Variants in NEDD4L observed in about 807,000 individuals in gnomAD.
NEDD4L encodes the protein NEDD4 like E3 ubiquitin protein ligase.
In NEDD4L, 54 loss-of-function variants were observed where a neutral mutation model predicts 148.9. The observed-to-expected ratio is 0.36, with a 90% CI of 0.29 to 0.45. The LOEUF (loss-of-function observed/expected upper bound fraction) is 0.45. Ranked by LOEUF, NEDD4L falls within the 20% of genes least tolerant of loss-of-function variation. The pLI is 1.00. For synonymous variants in NEDD4L, 433 were observed against 440.7 expected (o/e 0.98, Z 0.22); for missense variants, 856 against 1,233.8 (o/e 0.69, Z 4.59).
chr18:58,361,452 C>CAG (rs1158679091), intron 19 of NEDD4L, among the ~76,000 whole-genome samples: 3 of 152,180 alleles, frequency 2.0e-5, no homozygotes, highest in African/African-American at 7.2e-5. Flanking sequence ...TTTCCAAGAA[C>CAG]TTTATAATCA....
intron 2 of NEDD4L, chr18:58,195,441 A>ATCCGCGGCAGCAGCT: frequency 7.6e-7 from 1 of 1,319,230 alleles, no homozygotes; most frequent in South Asian, 1.2e-5. Flanking sequence ...AGAGGCAGGC[A>ATCCGCGGCAGCAGCT]TCCGCGGCAG....
At position 58,315,689 on chromosome 18, in the gene NEDD4L, A is replaced by G. The variant is rs148413139; in HGVS notation, c.298-293A>G. Among the ~76,000 whole-genome samples, 5 of 152,222 alleles carry G rather than the reference A, an allele frequency of 3.3e-5. No individual in the cohort carries two copies. The East Asian group carries it at 9.7e-4, about 29-fold the overall frequency. ...TTCAGCTGGGCCCAGCTGTGCCCTCAAACCCTGCCTGTCTCTTCCCTGACT... is the reference window on the plus strand; with the variant it reads ...TTCAGCTGGGCCCAGCTGTGCCCTCGAACCCTGCCTGTCTCTTCCCTGACT... On this transcript the variant is annotated intron_variant, in intron 5 of 30. Coordinates refer to ENST00000400345, the MANE Select transcript of NEDD4L (RefSeq NM_001144967.3).
intron 1 of NEDD4L, among the ~76,000 whole-genome samples, chr18:58,079,559 C>T (rs2083332458): frequency 6.6e-6 from 1 of 152,224 alleles, no homozygotes; most frequent in Non-Finnish European, 1.5e-5. Context: ...CAAGTCATAG[C>T]TGGGAAGTGG....
At chr18:58,122,453 C>T (rs1411401507) in intron 1 of NEDD4L, among the ~76,000 whole-genome samples, 3 of 152,078 alleles carry the variant, frequency 2.0e-5, no homozygotes, top group Non-Finnish European at 2.9e-5. Flanking sequence ...GCCGAAATTG[C>T]GCCATTGCAC....
chr18:58,341,685 A>G lies in NEDD4L; in HGVS notation c.1265A>G (p.Glu422Gly). Residue 422 changes from glutamate (E) to glycine (G), a missense_variant, in exon 15 of 31, where the codon GAA becomes GGA. Coordinates refer to ENST00000400345, the MANE Select transcript of NEDD4L (RefSeq NM_001144967.3). ...TTTTTGCCTCCAAAATAGCTTGCAG[A>G]AGATGGTGCGTCCGGATCAGCCACA... ...TWTRPIMQLA[E>G]DGASGSATNS... 4.3e-6 allele frequency: 7 copies of G among 1,613,238 alleles called. No individual in the cohort carries two copies. The highest frequency in any genetic ancestry group is 5.9e-6 in the Non-Finnish European group (7 of 1,179,624).
intron 17 of NEDD4L, among the ~76,000 whole-genome samples, chr18:58,350,420 T>G (rs937061056): frequency 1.6e-4 from 25 of 152,114 alleles, no homozygotes; most frequent in African/African-American, 4.8e-4. Flanking sequence ...AAGAAAGCAT[T>G]TTTTTCTGAA....
chr18:58,340,898 C>T (rs2042332069), intron 13 of NEDD4L, 140 bp from the exon 14 acceptor site: 5 of 814,288 alleles, frequency 6.1e-6, no homozygotes, highest in Admixed American at 3.2e-5. Flanking sequence ...GTTTTCCAGA[C>T]ACTTGTAAGT....
intron 1 of NEDD4L, among the ~76,000 whole-genome samples, chr18:58,125,587 G>A (rs780735519): frequency 3.3e-5 from 5 of 151,930 alleles, no homozygotes; most frequent in Non-Finnish European, 7.4e-5. Flanking sequence ...ATATGATCTC[G>A]AGTCACCACC....
intron 1 of NEDD4L, among the ~76,000 whole-genome samples, chr18:58,078,994 G>A (rs781353462): frequency 2.6e-5 from 4 of 152,104 alleles, no homozygotes; most frequent in African/African-American, 7.2e-5. Flanking sequence ...GACTATGAAC[G>A]GGAGCTGTGT....
At chr18:58,200,153 A>G (rs1279135843) in intron 2 of NEDD4L, among the ~76,000 whole-genome samples, 5 of 152,366 alleles carry the variant, frequency 3.3e-5, no homozygotes, top group African/African-American at 1.2e-4. Flanking sequence ...CAGGGTAGCC[A>G]TGAAATGGCT....
chr18:58,350,346 A>T (rs1166548468), intron 17 of NEDD4L, among the ~76,000 whole-genome samples: 1 of 152,246 alleles, frequency 6.6e-6, no homozygotes, highest in Non-Finnish European at 1.5e-5. Context: ...CAGGTATCCC[A>T]CACCAAATCT....
intron 1 of NEDD4L, among the ~76,000 whole-genome samples, chr18:58,072,814 C>T (rs1568175317): frequency 1.3e-5 from 2 of 151,854 alleles, no homozygotes; most frequent in African/African-American, 4.8e-5. Context: ...AGAAAAGTAT[C>T]TGTAGTTACA....
At chr18:58,388,620 G>A (rs1400452684) in intron 27 of NEDD4L, 1 of 155,768 alleles carries the variant, frequency 6.4e-6, no homozygotes, top group Non-Finnish European at 1.4e-5. Context: ...CCTCTGGGCA[G>A]ATGAGGTGAT....
chr18:58,277,217 T>A (rs1293068016), intron 5 of NEDD4L, among the ~76,000 whole-genome samples: 1 of 149,130 alleles, frequency 6.7e-6, no homozygotes, highest in Non-Finnish European at 1.5e-5. Context: ...ACCCCATGGG[T>A]CCTGCCAGGT....
chr18:58,283,443 C>G (rs940620862), intron 5 of NEDD4L, among the ~76,000 whole-genome samples: 1 of 152,140 alleles, frequency 6.6e-6, no homozygotes, highest in African/African-American at 2.4e-5. Flanking sequence ...ATTTTACTGG[C>G]CAAAGCAAGT....
intron 1 of NEDD4L, among the ~76,000 whole-genome samples, chr18:58,075,455 T>G (rs1270426012): frequency 6.6e-6 from 1 of 152,066 alleles, no homozygotes; most frequent in Non-Finnish European, 1.5e-5. Flanking sequence ...CCAGCCTTAG[T>G]TTGTTTCTGA....
At chr18:58,349,689 C>A in intron 17 of NEDD4L, 75 bp downstream of exon 17, 1 of 1,126,336 alleles carries the variant, frequency 8.9e-7, no homozygotes, top group Non-Finnish European at 1.3e-6. Flanking sequence ...ATGGAGAGGC[C>A]CTGTGGACCT....
intron 19 of NEDD4L, among the ~76,000 whole-genome samples, chr18:58,363,186 A>G (rs369058984): frequency 6.6e-6 from 1 of 152,192 alleles, no homozygotes; most frequent in Non-Finnish European, 1.5e-5. Context: ...GGTTTTTTAT[A>G]TAAACATGTC....
At chr18:58,085,338 C>G (rs1269457028) in intron 1 of NEDD4L, among the ~76,000 whole-genome samples, 2 of 152,102 alleles carry the variant, frequency 1.3e-5, no homozygotes, top group Non-Finnish European at 2.9e-5. Context: ...GGGCCGTGTG[C>G]CAGGCAGCAG....
Sources: gnomAD v4.1 joint callset for allele counts (sites outside exome capture counted in the v4.1 genomes callset) on GRCh38, gnomAD v4.1.1 for gene constraint, MANE v1.5 for transcripts, NCBI Gene and HGNC (gene_info 2026-07-23, HGNC 2026-07-21) for gene names.